SMIM27: variants seen among roughly 807,000 people sequenced by gnomAD.
SMIM27 encodes transition zone microprotein 1, also known as TOPORS antisense RNA 1 (non-protein coding).
A neutral mutation model predicts 1.8 loss-of-function variants in SMIM27; 3 were observed. The ratio of observed to expected loss-of-function variants is 1.65; its 90% CI spans 0.75 to 4.28. The LOEUF is 4.28. SMIM27 is among the 30% of genes most tolerant of loss of function. SMIM27 has a pLI of 0.02. For missense variants in SMIM27, 63 were observed against 37.0 expected (o/e 1.70, Z -1.83); for synonymous variants, 19 against 13.9 (o/e 1.37, Z -0.82).
At chr9:32,555,795 C>A (rs1210852189), downstream of SMIM27, among the ~76,000 whole-genome samples, 1 of 152,170 alleles carries the variant, frequency 6.6e-6, no homozygotes, top group Non-Finnish European at 1.5e-5. Context: ...AAGAACAAAC[C>A]CCCTGGACAG....
At chr9:32,556,488 G>T (rs1413030777), downstream of SMIM27, among the ~76,000 whole-genome samples, 4 of 152,322 alleles carry the variant, frequency 2.6e-5, no homozygotes, top group East Asian at 7.7e-4. Context: ...GTTTTGTTAA[G>T]CCATTGAGAT....
At chr9:32,551,242 T>C, upstream of SMIM27, 1 of 581,540 alleles carries the variant, frequency 1.7e-6, no homozygotes, top group Non-Finnish European at 3.1e-6. Context: ...CGCCCCTAAC[T>C]TACCCGGAAA....
intron 1 of SMIM27, 52 bp from the exon 2 acceptor site, chr9:32,552,749 C>T (rs1821329139): frequency 1.2e-5 from 8 of 683,882 alleles, no homozygotes; most frequent in Non-Finnish European, 2.1e-5. Flanking sequence ...CTGACGGGGG[C>T]GAGGGGAAAT....
chr9:32,552,292 C>G, upstream of SMIM27: 1 of 1,252,028 alleles, frequency 8.0e-7, no homozygotes, highest in Middle Eastern at 1.8e-4. Context: ...AAGAGGCCAG[C>G]GACAGCGCTG....
At chr9:32,566,087 A>C in intron 1 of SMIM27, 6 of 412,870 alleles carry the variant, frequency 1.5e-5, no homozygotes, top group East Asian at 1.1e-4. Context: ...AAAAAAAGGC[A>C]CCTGTTAAAA....
chr9:32,552,919 TG>T lies in SMIM27; in HGVS notation c.165del (p.Leu55PhefsTer?), dbSNP rs1382977742. ...PDKIFGTNEN[L>X] is the part of the protein sequence containing the mutation. ...AAAATCTTTGGGACGAATGAAAATT[TG>T]TAACTCTTCTGGATTTAATTATCTG... On this transcript the variant is annotated frameshift_variant, in exon 2 of 2. Coordinates refer to ENST00000692500, the MANE Select transcript of SMIM27 (RefSeq NM_001387564.1). LOFTEE classifies it high-confidence loss of function. The T allele has an allele frequency of 1.4e-6, 1 of 701,968 alleles. No homozygotes were observed. The highest frequency in any genetic ancestry group is 2.6e-6 in the Non-Finnish European group (1 of 384,598). 43.5% of individuals were successfully genotyped at this position (701,968 alleles called of 1,614,324 possible).
At chr9:32,552,704 A>G (rs947764229) in intron 1 of SMIM27, 97 bp from the exon 2 acceptor site, 5 of 658,498 alleles carry the variant, frequency 7.6e-6, no homozygotes, top group African/African-American at 5.4e-5. Flanking sequence ...CGACTTTGTT[A>G]CTTTAATTCC....
upstream of SMIM27, chr9:32,551,189 C>A: frequency 1.6e-6 from 1 of 623,538 alleles, no homozygotes; most frequent in Non-Finnish European, 2.9e-6. Flanking sequence ...CCCTCCCCAT[C>A]TTGTTACTGG....
downstream of SMIM27, among the ~76,000 whole-genome samples, chr9:32,556,975 C>T (rs1354872920): frequency 1.4e-5 from 2 of 147,792 alleles, no homozygotes; most frequent in Non-Finnish European, 3.0e-5. Context: ...CCTCAGCCTC[C>T]CCGGTAGCTA....
intron 1 of SMIM27, among the ~76,000 whole-genome samples, chr9:32,563,491 C>CTTTTTTTTTTTTTTTTTTTTTTTTTT (rs111646430): frequency 7.6e-5 from 7 of 91,992 alleles, no homozygotes; most frequent in African/African-American, 2.7e-4. Flanking sequence ...GACTATTGGG[C>CTTTTTTTTTTTTTTTTTTTTTTTTTT]TTTTTTTTTT....
downstream of SMIM27, among the ~76,000 whole-genome samples, chr9:32,555,897 G>A (rs768555771): frequency 6.6e-6 from 1 of 152,224 alleles, no homozygotes; most frequent in Non-Finnish European, 1.5e-5. Context: ...CACGGGTTAG[G>A]AGTGAGATTT....
At chr9:32,558,930 T>A in intron 1 of SMIM27, 1 of 1,585,264 alleles carries the variant, frequency 6.3e-7, no homozygotes, top group Non-Finnish European at 8.6e-7. Flanking sequence ...CTGGACTTCT[T>A]TTCAACTATG....
intron 1 of SMIM27, among the ~76,000 whole-genome samples, chr9:32,558,366 C>T (rs961376710): frequency 6.6e-6 from 1 of 152,208 alleles, no homozygotes; most frequent in Non-Finnish European, 1.5e-5. Context: ...CCATCTTGGC[C>T]TCCCAAAGTG....
At chr9:32,557,235 G>A (rs959617505), downstream of SMIM27, among the ~76,000 whole-genome samples, 19 of 143,984 alleles carry the variant, frequency 1.3e-4, no homozygotes, top group African/African-American at 4.2e-4. Flanking sequence ...CGCAAACTCC[G>A]CACACTGCAA....
upstream of SMIM27, chr9:32,551,445 T>G (rs1821257199): frequency 3.5e-6 from 1 of 287,096 alleles, no homozygotes; most frequent in Non-Finnish European, 7.0e-6. Flanking sequence ...TCCTATAAAG[T>G]CTTCAGAGAG....
At chr9:32,558,829 A>G (rs1821547109) in intron 1 of SMIM27, 1 of 981,658 alleles carries the variant, frequency 1.0e-6, no homozygotes, top group Non-Finnish European at 1.5e-6. Flanking sequence ...GAACATTTTA[A>G]TCTAATAATT....
downstream of SMIM27, among the ~76,000 whole-genome samples, chr9:32,555,067 T>G (rs936051029): frequency 6.6e-6 from 1 of 151,402 alleles, no homozygotes; most frequent in Middle Eastern, 3.2e-3. Context: ...AACACTTTGG[T>G]GCACGCTAGA....
intron 1 of SMIM27, among the ~76,000 whole-genome samples, chr9:32,563,786 G>A (rs1466874670): frequency 6.6e-6 from 1 of 152,074 alleles, no homozygotes; most frequent in Non-Finnish European, 1.5e-5. Flanking sequence ...TTGCACTCAT[G>A]GATTTTCATT....
downstream of SMIM27, among the ~76,000 whole-genome samples, chr9:32,557,381 C>A (rs571058096): frequency 5.5e-4 from 84 of 151,888 alleles, no homozygotes; most frequent in African/African-American, 2.0e-3. Context: ...GTTGGCCAGG[C>A]TGGTCTCGAA....
Sources: allele counts gnomAD v4.1 joint callset (sites outside exome capture counted in the v4.1 genomes callset), GRCh38; gene constraint gnomAD v4.1.1; transcripts MANE v1.5; gene names NCBI Gene and HGNC (gene_info 2026-07-23, HGNC 2026-07-21).